L3MBTL4: variants seen among roughly 807,000 people sequenced by gnomAD.
The protein encoded by L3MBTL4 is lethal(3)malignant brain tumor-like protein 4.
In L3MBTL4, 70 loss-of-function variants were observed where a neutral mutation model predicts 84.5. The observed-to-expected ratio is 0.83, with a 90% CI of 0.68 to 1.01. The LOEUF is 1.01. L3MBTL4 is among the 50% of genes least tolerant of loss of function. L3MBTL4 has a pLI of 0.00. For missense variants in L3MBTL4, 715 were observed against 754.8 expected (o/e 0.95, Z 0.62); for synonymous variants, 274 against 259.8 (o/e 1.05, Z -0.52).
intron 13 of L3MBTL4, among the ~76,000 whole-genome samples, chr18:6,150,947 G>T (rs1205003492): frequency 6.6e-6 from 1 of 152,190 alleles, no homozygotes; most frequent in Non-Finnish European, 1.5e-5. Context: ...CTTAGTGAGT[G>T]TCTCAGTGCC....
At chr18:6,097,548 T>A (rs1314299515) in intron 14 of L3MBTL4, among the ~76,000 whole-genome samples, 1 of 152,148 alleles carries the variant, frequency 6.6e-6, no homozygotes, top group Non-Finnish European at 1.5e-5. Flanking sequence ...GGTACCTGAT[T>A]CCACCAGTTG....
intron 16 of L3MBTL4, among the ~76,000 whole-genome samples, chr18:6,024,586 T>C (rs2055420250): frequency 6.6e-6 from 1 of 152,202 alleles, no homozygotes; most frequent in Non-Finnish European, 1.5e-5. Flanking sequence ...AGGTACACTA[T>C]CTGAAGGAAA....
intron 16 of L3MBTL4, among the ~76,000 whole-genome samples, chr18:6,014,495 G>A (rs1295082668): frequency 6.6e-6 from 1 of 152,184 alleles, no homozygotes; most frequent in Non-Finnish European, 1.5e-5. Context: ...CAGACCATGA[G>A]GTTAGAGATG....
At chr18:6,297,921 A>T (rs2050173979) in intron 4 of L3MBTL4, among the ~76,000 whole-genome samples, 1 of 152,228 alleles carries the variant, frequency 6.6e-6, no homozygotes. Context: ...ACAATGTTGT[A>T]CCTATTTCCT....
At chr18:6,281,988 C>T (rs1470736911) in intron 4 of L3MBTL4, among the ~76,000 whole-genome samples, 2 of 152,224 alleles carry the variant, frequency 1.3e-5, no homozygotes, top group Non-Finnish European at 2.9e-5. Flanking sequence ...CAATACAGAG[C>T]TGTCTCTCCA....
intron 16 of L3MBTL4, among the ~76,000 whole-genome samples, chr18:5,999,062 C>T (rs137886146): frequency 6.6e-6 from 1 of 152,262 alleles, no homozygotes; most frequent in East Asian, 1.9e-4. Context: ...GCATGGTGTC[C>T]AAGACACCTG....
intron 1 of L3MBTL4, among the ~76,000 whole-genome samples, chr18:6,365,111 CAA>C (rs2053872695): frequency 6.6e-6 from 1 of 151,992 alleles, no homozygotes; most frequent in South Asian, 2.1e-4. Flanking sequence ...TCAATGCAAT[CAA>C]AATTATCACT....
At chr18:6,129,460 T>G (rs1403526952) in intron 14 of L3MBTL4, among the ~76,000 whole-genome samples, 1 of 151,782 alleles carries the variant, frequency 6.6e-6, no homozygotes, top group Admixed American at 6.6e-5. Flanking sequence ...CCTTTGGTAA[T>G]CATTTTTAAA....
At chr18:6,332,717 T>C (rs955386574) in intron 1 of L3MBTL4, among the ~76,000 whole-genome samples, 32 of 152,264 alleles carry the variant, frequency 2.1e-4, no homozygotes, top group African/African-American at 7.2e-4. Flanking sequence ...GTGTTGGGAG[T>C]GACTAGCCTC....
At chr18:6,025,685 T>G (rs1397173571) in intron 16 of L3MBTL4, among the ~76,000 whole-genome samples, 1 of 152,022 alleles carries the variant, frequency 6.6e-6, no homozygotes, top group Admixed American at 6.6e-5. Context: ...GGGCGAGGGG[T>G]GGTTTTGGGA....
intron 16 of L3MBTL4, chr18:6,031,868 CA>C (rs1293722188): frequency 1.0e-6 from 1 of 978,014 alleles, no homozygotes; most frequent in Non-Finnish European, 1.2e-6. Flanking sequence ...TTTTGTTACA[CA>C]GATATATTGC....
intron 16 of L3MBTL4, among the ~76,000 whole-genome samples, chr18:6,013,523 C>T (rs999681449): frequency 3.3e-5 from 5 of 152,216 alleles, no homozygotes; most frequent in Non-Finnish European, 5.9e-5. Context: ...CGTCTCTCCC[C>T]ATCTTCTCAC....
At chr18:6,120,945 G>A (rs542168233) in intron 14 of L3MBTL4, among the ~76,000 whole-genome samples, 97 of 152,162 alleles carry the variant, frequency 6.4e-4, no homozygotes, top group African/African-American at 2.1e-3. Flanking sequence ...CATGTCTTTT[G>A]GTGAGCTGAC....
In L3MBTL4 at chr18:5,968,330, A is replaced by G. The variant is rs528734347; in HGVS notation, c.1614+1063T>C. ...TACAGGTAAGTGGTATATTCCTTAAATAATACATTTTAAATATGAAGCATT... is the reference window on the plus strand; with the variant it reads ...TACAGGTAAGTGGTATATTCCTTAAGTAATACATTTTAAATATGAAGCATT... On this transcript the variant is annotated intron_variant, in intron 17 of 18. Transcript: ENST00000317931. 2.6e-5 allele frequency among the ~76,000 whole-genome samples: 4 copies of G among 152,328 alleles called. No homozygotes were observed. The South Asian group carries it at 8.3e-4, about 32-fold the overall frequency.
intron 3 of L3MBTL4, among the ~76,000 whole-genome samples, chr18:6,307,669 A>C (rs943146216): frequency 6.6e-6 from 1 of 152,148 alleles, no homozygotes; most frequent in African/African-American, 2.4e-5. Flanking sequence ...ACTCTACATA[A>C]GTTAGTTTTC....
At chr18:6,111,965 C>G (rs1307159091) in intron 14 of L3MBTL4, among the ~76,000 whole-genome samples, 1 of 152,106 alleles carries the variant, frequency 6.6e-6, no homozygotes, top group Non-Finnish European at 1.5e-5. Context: ...AAATTTTGTG[C>G]CAACATCTCC....
intron 4 of L3MBTL4, among the ~76,000 whole-genome samples, chr18:6,290,068 G>A (rs983465443): frequency 1.3e-5 from 2 of 152,096 alleles, no homozygotes; most frequent in South Asian, 2.1e-4. Flanking sequence ...CCACAGACAC[G>A]TGTCACCACA....
intron 4 of L3MBTL4, among the ~76,000 whole-genome samples, chr18:6,281,604 G>A (rs878033): frequency 0.21 from 31,722 of 152,092 alleles, 3,566 homozygotes; most frequent in African/African-American, 0.29. Flanking sequence ...ACTGGTTTCA[G>A]TTCTCAAGCA....
intron 4 of L3MBTL4, among the ~76,000 whole-genome samples, chr18:6,289,919 T>G (rs917755901): frequency 1.3e-5 from 2 of 152,172 alleles, no homozygotes; most frequent in Non-Finnish European, 2.9e-5. Context: ...TTTTGTTTCT[T>G]TGTTTTTTGT....
Sources: gnomAD v4.1 joint callset for allele counts (sites outside exome capture counted in the v4.1 genomes callset) on GRCh38, gnomAD v4.1.1 for gene constraint, MANE v1.5 for transcripts, NCBI Gene and HGNC (gene_info 2026-07-23, HGNC 2026-07-21) for gene names.